Variants in KBTBD12 observed in about 807,000 individuals in gnomAD.
KBTBD12 encodes the protein kelch repeat and BTB domain containing 12.
A neutral mutation model predicts 58.7 loss-of-function variants in KBTBD12; 53 were observed. The ratio of observed to expected loss-of-function variants is 0.90; its 90% CI spans 0.72 to 1.14. The LOEUF (loss-of-function observed/expected upper bound fraction) is 1.14. Ranked by LOEUF, KBTBD12 falls within the 50% of genes most tolerant of loss-of-function variation. The probability of loss-of-function intolerance (pLI) is 0.00; values close to 1 mark genes in which losing one functional copy is unlikely to be tolerated. For synonymous variants in KBTBD12, 236 were observed against 259.8 expected (o/e 0.91, Z 0.88); for missense variants, 704 against 751.3 (o/e 0.94, Z 0.74).
chr3:127,921,085 A>T (rs567454906), intron 1 of KBTBD12, among the ~76,000 whole-genome samples: 2 of 152,228 alleles, frequency 1.3e-5, no homozygotes, highest in South Asian at 4.1e-4. Flanking sequence ...ATATAGATAT[A>T]TCCTGCTTCA....
intron 4 of KBTBD12, among the ~76,000 whole-genome samples, chr3:127,945,859 G>A (rs1390364112): frequency 2.0e-5 from 3 of 151,560 alleles, no homozygotes; most frequent in East Asian, 2.0e-4. Flanking sequence ...TTGTATTTTC[G>A]GTAGAGATGG....
rs753621877 is a variant in KBTBD12, at chr3:127,927,762, A to G, written c.1071-2A>G. 11 of 1,496,928 alleles carry G rather than the reference A, an allele frequency of 7.3e-6. No individual in the cohort carries two copies. The highest frequency in any genetic ancestry group is 9.8e-6 in the Non-Finnish European group (11 of 1,120,400). The allele number at this position is 1,496,928 out of a possible 1,614,324, so 92.7% of individuals were successfully genotyped here. A position where few individuals can be genotyped will look rare whatever the true frequency, so the allele number is the denominator to read the frequency against. Reference sequence around the variant, plus strand: ...CCTGGATACTCTCTCTCTCTTTTGCAGGTATCATGATAGAGGAAACCAGTT... The same window carrying G: ...CCTGGATACTCTCTCTCTCTTTTGCGGGTATCATGATAGAGGAAACCAGTT... On this transcript the variant is annotated splice_acceptor_variant, in intron 2 of 5. Coordinates refer to ENST00000405109, the MANE Select transcript of KBTBD12 (RefSeq NM_207335.4). LOFTEE classifies it high-confidence loss of function.
intron 4 of KBTBD12, among the ~76,000 whole-genome samples, chr3:127,961,983 G>A (rs1198038759): frequency 6.6e-6 from 1 of 152,178 alleles, no homozygotes; most frequent in Non-Finnish European, 1.5e-5. Context: ...TTTTGAGATC[G>A]CTGTCAACAA....
In KBTBD12 at chr3:127,984,454, C is replaced by A. The variant is rs1248762595; in HGVS notation, c.*176C>A. 2 of 585,692 alleles carry A rather than the reference C, an allele frequency of 3.4e-6. No individual in the cohort carries two copies. The highest frequency in any genetic ancestry group is 6.0e-6 in the Non-Finnish European group (2 of 335,690). The allele number at this position is 585,692 out of a possible 1,614,324, so 36.3% of individuals were successfully genotyped here. A position where few individuals can be genotyped will look rare whatever the true frequency, so the allele number is the denominator to read the frequency against. ...AGCATGGGGAGTCTCCCTTCAGGGACTTCCCAGCCTGATAGGGTAAATAAG... is the reference window on the plus strand; with the variant it reads ...AGCATGGGGAGTCTCCCTTCAGGGAATTCCCAGCCTGATAGGGTAAATAAG... On this transcript the variant is annotated 3_prime_UTR_variant, in exon 6 of 6. Transcript: ENST00000405109.
chr3:127,968,865 T>C (rs765409258), intron 5 of KBTBD12, among the ~76,000 whole-genome samples: 2 of 147,696 alleles, frequency 1.4e-5, no homozygotes, highest in African/African-American at 2.5e-5. Context: ...TCTCAATAGA[T>C]GCAAAGAAAA....
At chr3:127,979,954 A>T (rs1940845851) in intron 5 of KBTBD12, among the ~76,000 whole-genome samples, 1 of 152,368 alleles carries the variant, frequency 6.6e-6, no homozygotes, top group Non-Finnish European at 1.5e-5. Flanking sequence ...AGTCAAGTGC[A>T]CATGCATGTA....
At chr3:127,917,443 T>C (rs1939277116) in intron 1 of KBTBD12, among the ~76,000 whole-genome samples, 1 of 152,208 alleles carries the variant, frequency 6.6e-6, no homozygotes, top group Non-Finnish European at 1.5e-5. Flanking sequence ...TCCTGGAAGC[T>C]CTCCAAACCT....
intron 5 of KBTBD12, among the ~76,000 whole-genome samples, chr3:127,981,758 G>C (rs1488139355): frequency 6.6e-6 from 1 of 152,148 alleles, no homozygotes; most frequent in Admixed American, 6.5e-5. Flanking sequence ...TGGCCAACAT[G>C]GTGAAACCCC....
intron 5 of KBTBD12, among the ~76,000 whole-genome samples, chr3:127,973,578 A>G (rs981098847): frequency 6.6e-6 from 1 of 152,172 alleles, no homozygotes; most frequent in Non-Finnish European, 1.5e-5. Context: ...CCTTAGAAGA[A>G]GTATGCTGAG....
At chr3:127,924,772 G>A (rs1939525031) in intron 2 of KBTBD12, among the ~76,000 whole-genome samples, 1 of 152,162 alleles carries the variant, frequency 6.6e-6, no homozygotes, top group African/African-American at 2.4e-5. Flanking sequence ...GTTGAAGAAT[G>A]CTTTAATCCT....
chr3:127,940,142 C>G (rs997291417), intron 4 of KBTBD12, among the ~76,000 whole-genome samples: 2 of 152,038 alleles, frequency 1.3e-5, no homozygotes, highest in Admixed American at 1.3e-4. Context: ...GAGAAATAGA[C>G]AACTCCACAA....
At chr3:127,948,502 G>A (rs1940136716) in intron 4 of KBTBD12, among the ~76,000 whole-genome samples, 1 of 152,236 alleles carries the variant, frequency 6.6e-6, no homozygotes, top group Non-Finnish European at 1.5e-5. Flanking sequence ...TAGGGAAACT[G>A]GTTCACATTA....
chr3:127,955,575 G>A (rs1940302960), intron 4 of KBTBD12, among the ~76,000 whole-genome samples: 1 of 152,128 alleles, frequency 6.6e-6, no homozygotes, highest in Non-Finnish European at 1.5e-5. Context: ...GCAGATTCCT[G>A]GCCCTCACTA....
Position 127,923,960 on chromosome 3 carries a change from G to A in KBTBD12, c.899G>A (p.Cys300Tyr). Residue 300 changes from cysteine (C) to tyrosine (Y), a missense_variant, in exon 2 of 6, where the codon TGT becomes TAT. Coordinates refer to ENST00000405109, the MANE Select transcript of KBTBD12 (RefSeq NM_207335.4). ...RHRSYGDASFCYDPVSRKTYF... is the reference protein window; with the variant it reads ...RHRSYGDASFYYDPVSRKTYF... ...AGGAGCTATGGGGATGCCAGTTTTT[G>A]TTATGATCCTGTATCACGGAAAACC... 1.2e-6 allele frequency: 2 copies of A among 1,613,862 alleles called. No individual in the cohort carries two copies. The highest frequency in any genetic ancestry group is 1.7e-6 in the Non-Finnish European group (2 of 1,179,814).
In KBTBD12 at chr3:127,927,981, G is replaced by A; in HGVS notation, c.1288G>A (p.Ala430Thr). 6.2e-7 allele frequency: 1 copy of A among 1,613,498 alleles called. No individual in the cohort carries two copies. Among genetic ancestry groups the A allele is most frequent in the South Asian group, 1.1e-5 (1 of 91,068 alleles). The change falls in exon 3 of 6, where the codon GCT becomes ACT. Residue 430 changes from alanine (A) to threonine (T), a missense_variant. Ala to Thr is a moderately conservative substitution (Grantham distance 58). Transcript: ENST00000405109. ...CCTTCCACTGCAATTGGCATGTCAT[G>A]CTGTAGTGACAGTGAATAATAAACT... is the stretch of plus-strand genomic sequence containing the variant. ...SPLPLQLACH[A>T]VVTVNNKLYV...
rs186546192 is a variant in KBTBD12, at chr3:127,918,255, T to A, written c.-113+2669T>A. Among the ~76,000 whole-genome samples the A allele has an allele frequency of 2.0e-4, 31 of 152,280 alleles. 1 individual carries two copies. In the East Asian group the frequency reaches 2.9e-3, roughly 14 times the overall value. ...AGAGGCAAGCATCTGCAAAAGTGAA[T>A]GGCAATAGCAGTGCAGCAACCACAG... On this transcript the variant is annotated intron_variant, in intron 1 of 5. Transcript: ENST00000405109.
At chr3:127,941,267 T>C (rs1223450848) in intron 4 of KBTBD12, among the ~76,000 whole-genome samples, 3 of 152,104 alleles carry the variant, frequency 2.0e-5, no homozygotes, top group Non-Finnish European at 4.4e-5. Context: ...AACACAAACA[T>C]GCAAATCCTT....
chr3:127,964,640 C>CAA (rs34230294), intron 5 of KBTBD12, among the ~76,000 whole-genome samples: 44 of 111,082 alleles, frequency 4.0e-4, no homozygotes, highest in Admixed American at 6.9e-4. Context: ...GACTCCATCT[C>CAA]AAAAAAAAAA....
intron 4 of KBTBD12, among the ~76,000 whole-genome samples, chr3:127,938,387 T>C (rs891000263): frequency 6.6e-6 from 1 of 152,032 alleles, no homozygotes; most frequent in Non-Finnish European, 1.5e-5. Context: ...GATGCAGACA[T>C]TAAGTATGCA....
Sources: gnomAD v4.1 joint callset for allele counts (sites outside exome capture counted in the v4.1 genomes callset) on GRCh38, gnomAD v4.1.1 for gene constraint, MANE v1.5 for transcripts, NCBI Gene and HGNC (gene_info 2026-07-23, HGNC 2026-07-21) for gene names.